TTC17: variants seen among roughly 807,000 people sequenced by gnomAD.
TTC17 encodes tetratricopeptide repeat domain 17, also known as tetratricopeptide repeat protein 17.
In TTC17, 58 loss-of-function variants were observed where a neutral mutation model predicts 143.8. The observed-to-expected ratio is 0.40, with a 90% CI of 0.33 to 0.50. The LOEUF is 0.50. TTC17 is among the 20% of genes least tolerant of loss of function. The probability of loss-of-function intolerance (pLI) is 0.49; values close to 1 mark genes in which losing one functional copy is unlikely to be tolerated. For synonymous variants in TTC17, 501 were observed against 497.8 expected, an observed-to-expected ratio of 1.01 and a Z score of -0.09; for missense variants, 1,273 against 1,392.5, an observed-to-expected ratio of 0.91 and a Z score of 1.37.
At chr11:43,374,782 A>G (rs1211571898) in intron 1 of TTC17, among the ~76,000 whole-genome samples, 1 of 151,212 alleles carries the variant, frequency 6.6e-6, no homozygotes, top group Non-Finnish European at 1.5e-5. Context: ...TGGCAGGGCT[A>G]TAGAGAAAAT....
At chr11:43,368,440 C>G (rs970536346) in intron 1 of TTC17, among the ~76,000 whole-genome samples, 2 of 152,126 alleles carry the variant, frequency 1.3e-5, no homozygotes, top group Admixed American at 1.3e-4. Flanking sequence ...TGCCCAGGTC[C>G]AAAATTTTGG....
chr11:43,438,545 T>TTAA (rs1947343198), intron 16 of TTC17, among the ~76,000 whole-genome samples: 1 of 152,220 alleles, frequency 6.6e-6, no homozygotes, highest in Admixed American at 6.5e-5. Context: ...ACAGTATTGT[T>TTAA]ATTAAAGATA....
intron 16 of TTC17, among the ~76,000 whole-genome samples, chr11:43,418,817 A>G (rs914898935): frequency 2.0e-5 from 3 of 152,198 alleles, no homozygotes; most frequent in African/African-American, 7.2e-5. Context: ...TTGATGTGGC[A>G]TTACAACATG....
intron 16 of TTC17, among the ~76,000 whole-genome samples, chr11:43,423,416 C>T (rs1169202820): frequency 6.6e-6 from 1 of 152,064 alleles, no homozygotes; most frequent in African/African-American, 2.4e-5. Flanking sequence ...GTGAAGAAAA[C>T]GCCAAGAATG....
At chr11:43,449,871 T>C (rs1462123617) in intron 19 of TTC17, 2 of 557,526 alleles carry the variant, frequency 3.6e-6, no homozygotes, top group Non-Finnish European at 6.2e-6. Context: ...CTAAAAGATA[T>C]AACTAGTTGT....
chr11:43,452,101 A>T (rs1947669189), intron 21 of TTC17, among the ~76,000 whole-genome samples: 1 of 152,342 alleles, frequency 6.6e-6, no homozygotes, highest in African/African-American at 2.4e-5. Context: ...GCAATTTCAG[A>T]AAACGTCAGC....
At chr11:43,370,757 T>C (rs1450928536) in intron 1 of TTC17, among the ~76,000 whole-genome samples, 1 of 151,886 alleles carries the variant, frequency 6.6e-6, no homozygotes, top group Non-Finnish European at 1.5e-5. Flanking sequence ...TCTTAAAATA[T>C]GATATATAAA....
At chr11:43,459,238 C>G (rs1947819686) in intron 21 of TTC17, among the ~76,000 whole-genome samples, 2 of 152,222 alleles carry the variant, frequency 1.3e-5, no homozygotes, top group African/African-American at 4.8e-5. Flanking sequence ...GTAGCAATCC[C>G]ATGGCAGTTG....
rs528407995 is a variant in TTC17 at position 43,439,886 on chromosome 11, A to G, written c.2252-3439A>G. ...CCCTGGAATAGGCTTCATCTCAGTAAAGGATGTGAACTCATATAAACCTCA... is the reference window on the plus strand; with the variant it reads ...CCCTGGAATAGGCTTCATCTCAGTAGAGGATGTGAACTCATATAAACCTCA... On this transcript the variant is annotated intron_variant, in intron 16 of 23. Coordinates refer to ENST00000039989, the MANE Select transcript of TTC17 (RefSeq NM_018259.6). 2.0e-5 allele frequency among the ~76,000 whole-genome samples: 3 copies of G among 152,300 alleles called. No homozygotes were observed. In the East Asian group the frequency reaches 5.8e-4, roughly 29 times the overall value.
intron 16 of TTC17, among the ~76,000 whole-genome samples, chr11:43,440,365 A>G (rs1352132635): frequency 1.3e-5 from 2 of 152,134 alleles, no homozygotes; most frequent in African/African-American, 2.4e-5. Flanking sequence ...TCCTAACTCC[A>G]TTGTCTTTAT....
chr11:43,443,689 T>TGTCCTGGAGTGCATAGCCA, intron 17 of TTC17, 105 bp downstream of exon 17: 1 of 1,405,776 alleles, frequency 7.1e-7, no homozygotes, highest in Non-Finnish European at 9.6e-7. Context: ...ACTACTTGGC[T>TGTCCTGGAGTGCATAGCCA]ATGCACTCCA....
chr11:43,376,916 C>CT (rs1441657039), intron 1 of TTC17, among the ~76,000 whole-genome samples: 15 of 152,214 alleles, frequency 9.9e-5, no homozygotes, highest in Non-Finnish European at 2.1e-4. Flanking sequence ...AGGCTACACA[C>CT]TTGTACAGCA....
rs886234277 is a variant in TTC17, at chr11:43,430,294, G to A, written c.2252-13031G>A. ...ATTACAAAAATTAGCCAGGTGTGGT[G>A]GCGTGCACCTGTAGTCCCAGCTACT... On this transcript the variant is annotated intron_variant, in intron 16 of 23. Coordinates refer to ENST00000039989, the MANE Select transcript of TTC17 (RefSeq NM_018259.6). Among the ~76,000 whole-genome samples the A allele has an allele frequency of 1.1e-4, 17 of 152,104 alleles. 1 individual carries two copies. Among genetic ancestry groups the A allele is most frequent in the African/African-American group, 3.9e-4 (16 of 41,412 alleles).
chr11:43,408,566 C>T (rs1858251846), intron 15 of TTC17, among the ~76,000 whole-genome samples: 1 of 152,126 alleles, frequency 6.6e-6, no homozygotes, highest in Non-Finnish European at 1.5e-5. Flanking sequence ...TCCCTTTTTA[C>T]TGTTTTCAGC....
chr11:43,444,278 G>C (rs1947490242), intron 18 of TTC17, 69 bp downstream of exon 18: 2 of 1,484,078 alleles, frequency 1.3e-6, no homozygotes, highest in Non-Finnish European at 1.8e-6. Context: ...CACAAAGGTT[G>C]TATTTGTAAC....
At position 43,425,412 on chromosome 11, in the gene TTC17, G is replaced by A. The variant is rs573176106; in HGVS notation, c.2251+10636G>A. Among the ~76,000 whole-genome samples the A allele has an allele frequency of 4.6e-5, 7 of 152,222 alleles. No homozygotes were observed. The South Asian group carries it at 1.5e-3, about 32-fold the overall frequency. ...AGTGGGCTCTTTTTAAAATTTCTAAGTGATTTGTGCCTCAGAAAATTATGT... is the reference window on the plus strand; with the variant it reads ...AGTGGGCTCTTTTTAAAATTTCTAAATGATTTGTGCCTCAGAAAATTATGT... On this transcript the variant is annotated intron_variant, in intron 16 of 23. Coordinates refer to ENST00000039989, the MANE Select transcript of TTC17 (RefSeq NM_018259.6).
intron 16 of TTC17, among the ~76,000 whole-genome samples, chr11:43,430,828 G>A (rs781284286): frequency 2.0e-5 from 3 of 151,630 alleles, no homozygotes; most frequent in Non-Finnish European, 4.4e-5. Flanking sequence ...GGATACATGT[G>A]CAGAACATGC....
intron 2 of TTC17, among the ~76,000 whole-genome samples, chr11:43,382,424 AT>A (rs2134492253): frequency 6.7e-6 from 1 of 149,862 alleles, no homozygotes; most frequent in East Asian, 1.9e-4. Context: ...AATTAATAAT[AT>A]GTAGTTGGGT....
At chr11:43,371,537 AACTTCC>A (rs1219987270) in intron 1 of TTC17, among the ~76,000 whole-genome samples, 1 of 152,062 alleles carries the variant, frequency 6.6e-6, no homozygotes, top group African/African-American at 2.4e-5. Context: ...CCTCTCCAGG[AACTTCC>A]ACATGTTTGG....
Sources: gnomAD v4.1 joint callset for allele counts (sites outside exome capture counted in the v4.1 genomes callset) on GRCh38, gnomAD v4.1.1 for gene constraint, MANE v1.5 for transcripts, NCBI Gene and HGNC (gene_info 2026-07-23, HGNC 2026-07-21) for gene names.